The following GREB1L variants were observed in gnomAD, a reference collection of about 807,000 sequenced individuals.
The protein encoded by GREB1L is GREB1-like protein.
In GREB1L, 17 loss-of-function variants were observed where a neutral mutation model predicts 200.8. That is an observed-to-expected ratio of 0.08 (90% CI 0.06 to 0.13). GREB1L has a LOEUF of 0.13. Among genes scored for constraint, GREB1L ranks in the 10% least tolerant of loss-of-function variants. GREB1L has a pLI of 1.00. For missense variants in GREB1L, 1,657 were observed against 2,367.7 expected (o/e 0.70, Z 6.23); for synonymous variants, 789 against 893.0 (o/e 0.88, Z 2.08).
At chr18:21,277,207 C>T (rs762770403) in intron 1 of GREB1L, among the ~76,000 whole-genome samples, 18 of 152,188 alleles carry the variant, frequency 1.2e-4, no homozygotes, top group Non-Finnish European at 1.6e-4. Context: ...GGATTACAGG[C>T]GTGAGCCACC....
At chr18:21,368,789 G>A (rs920743) in intron 2 of GREB1L, among the ~76,000 whole-genome samples, 132,493 of 152,176 alleles carry the variant, frequency 0.87, 58,154 homozygotes, top group East Asian at 1. Context: ...CCCTCTTTGT[G>A]CCCTTGTAAT....
intron 1 of GREB1L, among the ~76,000 whole-genome samples, chr18:21,313,747 C>T (rs530859865): frequency 3.3e-5 from 5 of 152,254 alleles, no homozygotes; most frequent in East Asian, 3.9e-4. Flanking sequence ...TTTGTCTTTC[C>T]GCTAAAACTC....
In GREB1L at chr18:21,337,443, G is replaced by A. The variant is rs1487080195; in HGVS notation, c.-119-28584G>A. Among the ~76,000 whole-genome samples the A allele has an allele frequency of 3.3e-5, 5 of 152,302 alleles. No homozygotes were observed. In the East Asian group the frequency reaches 9.6e-4, roughly 29 times the overall value. On this transcript the variant is annotated intron_variant, in intron 1 of 32. Transcript: ENST00000424526. ...ATGCTACAGGCATCCAAGAAGTAGT[G>A]GAGAGTGGACGTGATACTCATCCCA...
intron 1 of GREB1L, among the ~76,000 whole-genome samples, chr18:21,293,191 A>G (rs2038477213): frequency 6.6e-6 from 1 of 152,194 alleles, no homozygotes; most frequent in African/African-American, 2.4e-5. Flanking sequence ...TGGCTATGCC[A>G]CTGGCCTTGT....
At chr18:21,278,393 T>TAATA (rs2038210060) in intron 1 of GREB1L, among the ~76,000 whole-genome samples, 2 of 80,904 alleles carry the variant, frequency 2.5e-5, no homozygotes, top group African/African-American at 1.1e-4. Context: ...AAAAAAAAAA[T>TAATA]AAATAAATAA....
chr18:21,431,005 T>G (rs2033110487), intron 7 of GREB1L, among the ~76,000 whole-genome samples: 1 of 148,040 alleles, frequency 6.8e-6, no homozygotes, highest in African/African-American at 2.5e-5. Flanking sequence ...TTTATTTATT[T>G]ATTTATTTAT....
intron 15 of GREB1L, among the ~76,000 whole-genome samples, chr18:21,467,156 A>C (rs868568620): frequency 3.9e-5 from 6 of 152,356 alleles, no homozygotes; most frequent in African/African-American, 1.4e-4. Flanking sequence ...TCTTAGAAGA[A>C]AATGGGTATA....
intron 1 of GREB1L, among the ~76,000 whole-genome samples, chr18:21,278,387 A>AAAAT (rs1285218384): frequency 2.2e-5 from 3 of 139,380 alleles, no homozygotes; most frequent in South Asian, 2.1e-4. Flanking sequence ...TCTCAAAAAA[A>AAAAT]AAAAATAAAT....
intron 1 of GREB1L, among the ~76,000 whole-genome samples, chr18:21,338,236 ATC>A (rs1338976017): frequency 6.6e-6 from 1 of 152,174 alleles, no homozygotes; most frequent in Non-Finnish European, 1.5e-5. Flanking sequence ...TGACTCATGA[ATC>A]TCTGAGAGGG....
intron 7 of GREB1L, among the ~76,000 whole-genome samples, chr18:21,411,249 C>T (rs1016658822): frequency 3.4e-4 from 52 of 151,692 alleles, no homozygotes; most frequent in African/African-American, 1.2e-3. Flanking sequence ...CTCTGTCGCC[C>T]AGGCTGGAGT....
At position 21,298,080 on chromosome 18, in the gene GREB1L, G is replaced by GCC. The variant is rs533440988; in HGVS notation, c.-120+55689_-120+55690dup. 2.0e-4 allele frequency among the ~76,000 whole-genome samples: 30 copies of GCC among 152,254 alleles called. No individual in the cohort carries two copies. The East Asian group carries it at 5.6e-3, about 28-fold the overall frequency. On this transcript the variant is annotated intron_variant, in intron 1 of 32. Coordinates refer to ENST00000424526, the MANE Select transcript of GREB1L (RefSeq NM_001142966.3). ...AGGACTATATACTCCAGTAGGGACA[G>GCC]CCCTCAAAAGGGAACCCACACATTA...
chr18:21,291,968 G>A (rs1567924543), intron 1 of GREB1L, among the ~76,000 whole-genome samples: 3 of 152,184 alleles, frequency 2.0e-5, no homozygotes, highest in South Asian at 2.1e-4. Context: ...GGGCTTGGAT[G>A]TTATTTTCAG....
chr18:21,283,304 A>G (rs906373876), intron 1 of GREB1L, among the ~76,000 whole-genome samples: 16 of 152,212 alleles, frequency 1.1e-4, no homozygotes, highest in Admixed American at 9.8e-4. Context: ...CAAAAGAGTG[A>G]AGAAAGGCAG....
At chr18:21,493,614 C>A (rs1392150461) in intron 19 of GREB1L, among the ~76,000 whole-genome samples, 5 of 152,074 alleles carry the variant, frequency 3.3e-5, no homozygotes, top group African/African-American at 9.7e-5. Flanking sequence ...CGCCTATAAT[C>A]CCAGCACTTT....
chr18:21,461,597 T>C (rs1944609078), intron 15 of GREB1L, among the ~76,000 whole-genome samples: 1 of 152,228 alleles, frequency 6.6e-6, no homozygotes. Flanking sequence ...AGATTCCTTC[T>C]GGTTCCTCTG....
intron 2 of GREB1L, chr18:21,380,645 C>T (rs2040266443): frequency 6.6e-6 from 1 of 152,148 alleles, no homozygotes; most frequent in Non-Finnish European, 1.5e-5. Context: ...TTCGTTTCTT[C>T]AAGTTTTGGT....
Position 21,520,735 on chromosome 18 carries a change from C to T in GREB1L, c.5520C>T (p.Asn1840=), listed in dbSNP as rs1436893248. The T allele has an allele frequency of 6.4e-7, 1 of 1,551,494 alleles. No individual in the cohort carries two copies. The highest frequency in any genetic ancestry group is 1.4e-5 in the African/African-American group (1 of 73,132). The stretch of plus-strand genomic sequence containing the variant: ...CCAGACCCCACTCCAGCAATGTCAA[C>T]TGTGAAGGGGTGTTTTTCAGTGGAC... ...ISSRPHSSNV[N]CEGVFFSGLL... The change falls in exon 32 of 33, where the codon AAC becomes AAT. Residue 1840 remains asparagine, a synonymous_variant. Coordinates refer to ENST00000424526, the MANE Select transcript of GREB1L (RefSeq NM_001142966.3).
chr18:21,485,262 G>A (rs1025905394), intron 17 of GREB1L: 1 of 165,508 alleles, frequency 6.0e-6, no homozygotes, highest in Non-Finnish European at 1.3e-5. Context: ...AGCGTTCTGA[G>A]GAAAGCCTAT....
intron 28 of GREB1L, among the ~76,000 whole-genome samples, chr18:21,514,380 T>G (rs1425672680): frequency 6.6e-6 from 1 of 152,144 alleles, no homozygotes; most frequent in Non-Finnish European, 1.5e-5. Flanking sequence ...CTGAGCGTGG[T>G]GGCGCATGCC....
Sources: gnomAD v4.1 joint callset for allele counts (sites outside exome capture counted in the v4.1 genomes callset) on GRCh38, gnomAD v4.1.1 for gene constraint, MANE v1.5 for transcripts, NCBI Gene and HGNC (gene_info 2026-07-23, HGNC 2026-07-21) for gene names.